The following LMOD1 variants were observed in gnomAD, a reference collection of about 807,000 sequenced individuals.
LMOD1 encodes the protein leiomodin-1.
In LMOD1, 8 loss-of-function variants were observed where a neutral mutation model predicts 36.5. That is an observed-to-expected ratio of 0.22 (90% CI 0.13 to 0.40). LMOD1 has a LOEUF of 0.40. Ranked by LOEUF, LMOD1 falls within the 10% of genes least tolerant of loss-of-function variation. The probability of loss-of-function intolerance (pLI) is 1.00; values close to 1 mark genes in which losing one functional copy is unlikely to be tolerated. For synonymous variants in LMOD1, 284 were observed against 288.7 expected, an observed-to-expected ratio of 0.98 and a Z score of 0.17; for missense variants, 630 against 751.1, an observed-to-expected ratio of 0.84 and a Z score of 1.88.
chr1:201,906,763 C>G (rs1487915178), intron 1 of LMOD1, among the ~76,000 whole-genome samples: 1 of 152,210 alleles, frequency 6.6e-6, no homozygotes, highest in East Asian at 1.9e-4. Context: ...GGCACAGTGG[C>G]TGACCCCTGT....
At chr1:201,918,436 T>C (rs754350703) in intron 1 of LMOD1, among the ~76,000 whole-genome samples, 2 of 152,218 alleles carry the variant, frequency 1.3e-5, no homozygotes, top group Non-Finnish European at 2.9e-5. Flanking sequence ...AAGTGCAGAC[T>C]TTGTAGCATG....
intron 1 of LMOD1, among the ~76,000 whole-genome samples, chr1:201,926,481 T>C (rs531013084): frequency 6.6e-6 from 1 of 152,318 alleles, no homozygotes; most frequent in African/African-American, 2.4e-5. Context: ...AGTGTATTTA[T>C]TGGGAGCCAT....
rs574701344 is a variant in LMOD1 at position 201,899,906 on chromosome 1, C to T, written c.1107G>A (p.Thr369=). ...CAAAGGCCACGTGGTCATCGGCTCG[C>T]GTGTTGGCCAAGGCGAACAGCTTAA... ...TVVKLFALAN[T]RADDHVAFAI... is the part of the protein sequence containing the mutation. Residue 369 remains threonine (T), a synonymous_variant, in exon 2 of 3, where the codon ACG becomes ACA. Coordinates refer to ENST00000367288, the MANE Select transcript of LMOD1 (RefSeq NM_012134.3). The surrounding 1 kb of genome is among the most constrained non-coding windows in gnomAD (Gnocchi z 6.3). 8.7e-6 allele frequency: 14 copies of T among 1,613,852 alleles called. No individual in the cohort carries two copies. The highest frequency in any genetic ancestry group is 3.3e-5 in the Admixed American group (2 of 59,986).
intron 1 of LMOD1, among the ~76,000 whole-genome samples, chr1:201,922,106 G>T (rs1681716205): frequency 6.6e-6 from 1 of 152,214 alleles, no homozygotes; most frequent in Non-Finnish European, 1.5e-5. Context: ...TGTGGACAAG[G>T]ATGTGGAGAA....
At chr1:201,915,368 A>C (rs1450073409) in intron 1 of LMOD1, among the ~76,000 whole-genome samples, 6 of 152,182 alleles carry the variant, frequency 3.9e-5, no homozygotes, top group African/African-American at 1.2e-4. Context: ...GATGTCTCTC[A>C]AAGCTGGATC....
intron 1 of LMOD1, among the ~76,000 whole-genome samples, chr1:201,913,504 G>A (rs1458429541): frequency 1.3e-5 from 2 of 152,226 alleles, no homozygotes; most frequent in Non-Finnish European, 2.9e-5. Flanking sequence ...CTACTCAGGA[G>A]GCTGAAGCAG....
intron 1 of LMOD1, among the ~76,000 whole-genome samples, chr1:201,922,034 C>T (rs1681714731): frequency 6.6e-6 from 1 of 151,882 alleles, no homozygotes; most frequent in Non-Finnish European, 1.5e-5. Flanking sequence ...TTGGCAAAAC[C>T]GTGATGAGAT....
chr1:201,910,418 C>T (rs914563137), intron 1 of LMOD1, among the ~76,000 whole-genome samples: 2 of 152,030 alleles, frequency 1.3e-5, no homozygotes, highest in East Asian at 1.9e-4. Flanking sequence ...GGACTACAAG[C>T]GTGCATGACA....
intron 1 of LMOD1, among the ~76,000 whole-genome samples, chr1:201,904,021 G>A (rs1347686861): frequency 1.3e-5 from 2 of 152,032 alleles, no homozygotes; most frequent in African/African-American, 2.4e-5. Context: ...CCCCATCAGG[G>A]GCCAAAGCAG....
intron 1 of LMOD1, among the ~76,000 whole-genome samples, chr1:201,920,283 C>T (rs750533710): frequency 6.6e-6 from 1 of 151,960 alleles, no homozygotes; most frequent in Non-Finnish European, 1.5e-5. Flanking sequence ...TGGTCTTGAA[C>T]TCCTGACCTC....
intron 1 of LMOD1, among the ~76,000 whole-genome samples, chr1:201,921,857 G>A (rs1392876765): frequency 6.6e-6 from 1 of 151,506 alleles, no homozygotes; most frequent in African/African-American, 2.4e-5. Flanking sequence ...CTGCTCGGGA[G>A]GCTGAGGCAG....
At chr1:201,930,535 A>G (rs1450941886) in intron 1 of LMOD1, among the ~76,000 whole-genome samples, 1 of 152,108 alleles carries the variant, frequency 6.6e-6, no homozygotes, top group Non-Finnish European at 1.5e-5. Flanking sequence ...AGAACACAGG[A>G]GGAAAAACAG....
In LMOD1 at chr1:201,942,653, C is replaced by T. The variant is rs1682137791; in HGVS notation, c.261+3427G>A. ...TTAAGACTGTCTTAAGGCCAACCTC[C>T]CAATGTTGGTTTCTTTCTTTCTTTT... On this transcript the variant is annotated intron_variant, in intron 1 of 2. Coordinates refer to ENST00000367288, the MANE Select transcript of LMOD1 (RefSeq NM_012134.3). Among the ~76,000 whole-genome samples, 5 of 152,016 alleles carry T rather than the reference C, an allele frequency of 3.3e-5. No individual in the cohort carries two copies. In the South Asian group the frequency reaches 8.3e-4, roughly 25 times the overall value.
At chr1:201,915,783 GC>G (rs1681596953) in intron 1 of LMOD1, among the ~76,000 whole-genome samples, 1 of 151,974 alleles carries the variant, frequency 6.6e-6, no homozygotes, top group African/African-American at 2.4e-5. Flanking sequence ...CTTGGTCCAG[GC>G]CACTATCACC....
chr1:201,920,759 T>C (rs1455323626), intron 1 of LMOD1, among the ~76,000 whole-genome samples: 1 of 152,168 alleles, frequency 6.6e-6, no homozygotes, highest in African/African-American at 2.4e-5. Context: ...CTGGGCGCGG[T>C]GGCTCACGCC....
At chr1:201,927,030 TTTTTTTCCC>T (rs1413574841) in intron 1 of LMOD1, among the ~76,000 whole-genome samples, 2 of 152,190 alleles carry the variant, frequency 1.3e-5, no homozygotes, top group Non-Finnish European at 2.9e-5. Context: ...GCTATTTTCC[TTTTTTTCCC>T]ACGTTTTGCA....
At chr1:201,919,958 T>G (rs1157650083) in intron 1 of LMOD1, among the ~76,000 whole-genome samples, 1 of 149,474 alleles carries the variant, frequency 6.7e-6, no homozygotes, top group Non-Finnish European at 1.5e-5. Flanking sequence ...AGTGTCTTCC[T>G]AAAGTCTCCA....
At chr1:201,917,260 C>G (rs1195126533) in intron 1 of LMOD1, among the ~76,000 whole-genome samples, 2 of 152,120 alleles carry the variant, frequency 1.3e-5, no homozygotes, top group Non-Finnish European at 2.9e-5. Flanking sequence ...AAAAGCCTGC[C>G]AAGAGCCATC....
intron 1 of LMOD1, among the ~76,000 whole-genome samples, chr1:201,921,104 C>G (rs796481579): frequency 6.6e-6 from 1 of 151,824 alleles, no homozygotes; most frequent in Non-Finnish European, 1.5e-5. Flanking sequence ...ATAACCATGG[C>G]GGGGAATATG....
Sources: gnomAD v4.1 joint callset for allele counts (sites outside exome capture counted in the v4.1 genomes callset) on GRCh38, gnomAD v4.1.1 for gene constraint, Gnocchi (gnomAD v3.1) non-coding constraint, MANE v1.5 for transcripts, NCBI Gene and HGNC (gene_info 2026-07-23, HGNC 2026-07-21) for gene names.